The following KIF26B variants were observed in gnomAD, a reference collection of about 807,000 sequenced individuals.
The protein encoded by KIF26B is kinesin family member 26B, also known as kinesin-like protein KIF26B.
In KIF26B, 63 loss-of-function variants were observed where a neutral mutation model predicts 151.2. That is an observed-to-expected ratio of 0.42 (90% CI 0.34 to 0.51). KIF26B has a LOEUF of 0.51. Ranked by LOEUF, KIF26B falls within the 20% of genes least tolerant of loss-of-function variation. KIF26B has a pLI of 0.07. For missense variants in KIF26B, 2,813 were observed against 2,913.6 expected (o/e 0.97, Z 0.79); for synonymous variants, 1,357 against 1,262.1 (o/e 1.08, Z -1.59).
At chr1:245,577,513 A>G (rs2043131068) in intron 5 of KIF26B, among the ~76,000 whole-genome samples, 1 of 152,234 alleles carries the variant, frequency 6.6e-6, no homozygotes, top group South Asian at 2.1e-4. Context: ...ACAGCATGGA[A>G]GAGCTTTGTG....
At chr1:245,498,611 A>T (rs536117797) in intron 4 of KIF26B, among the ~76,000 whole-genome samples, 1 of 152,200 alleles carries the variant, frequency 6.6e-6, no homozygotes, top group Non-Finnish European at 1.5e-5. Flanking sequence ...TCCTGAAAAG[A>T]TAGTTCAAAT....
chr1:245,183,810 A>G (rs1668946851), intron 2 of KIF26B, among the ~76,000 whole-genome samples: 1 of 152,068 alleles, frequency 6.6e-6, no homozygotes, highest in African/African-American at 2.4e-5. Flanking sequence ...AACAAAGCAA[A>G]TTAAGCATCA....
rs192591262 is a variant in KIF26B at position 245,648,591 on chromosome 1, C to T, written c.2258+2311C>T. On this transcript the variant is annotated intron_variant, in intron 10 of 14. Coordinates refer to ENST00000407071, the MANE Select transcript of KIF26B (RefSeq NM_018012.4). ...CAGAGGCTGCAGTGAGTTGAGATTGCGCTACTGCACCAGCCTGGGCAACAG... is the reference window on the plus strand; with the variant it reads ...CAGAGGCTGCAGTGAGTTGAGATTGTGCTACTGCACCAGCCTGGGCAACAG... Among the ~76,000 whole-genome samples, 116 of 150,920 alleles carry T rather than the reference C, an allele frequency of 7.7e-4. 1 individual carries two copies. Among genetic ancestry groups the T allele is most frequent in the Non-Finnish European group, 1.4e-3 (95 of 67,876 alleles).
intron 2 of KIF26B, among the ~76,000 whole-genome samples, chr1:245,212,814 A>G (rs1292069452): frequency 3.9e-5 from 6 of 152,222 alleles, no homozygotes; most frequent in Non-Finnish European, 8.8e-5. Context: ...AGTCCCGTCC[A>G]CTTAAGGAGC....
In KIF26B at chr1:245,639,524, T is replaced by C. The variant is rs115021232; in HGVS notation, c.2099-6597T>C. On this transcript the variant is annotated intron_variant, in intron 9 of 14. Coordinates refer to ENST00000407071, the MANE Select transcript of KIF26B (RefSeq NM_018012.4). ...CCTACTAATTTTAGGTTTGGTTTGT[T>C]TTTCCTTTTCTAGTTCATTGAGGTG... is the stretch of plus-strand genomic sequence containing the variant. Among the ~76,000 whole-genome samples the C allele has an allele frequency of 3.3e-3, 503 of 152,044 alleles. 2 individuals are homozygous for C. Among genetic ancestry groups the C allele is most frequent in the African/African-American group, 0.011 (459 of 41,552 alleles).
At chr1:245,635,223 T>G (rs1332969995) in intron 9 of KIF26B, among the ~76,000 whole-genome samples, 1 of 152,002 alleles carries the variant, frequency 6.6e-6, no homozygotes, top group Non-Finnish European at 1.5e-5. Flanking sequence ...TATTTCTTCC[T>G]TAAATGGTGG....
intron 5 of KIF26B, among the ~76,000 whole-genome samples, chr1:245,590,177 G>A (rs777339201): frequency 4.4e-4 from 67 of 151,188 alleles, no homozygotes; most frequent in Non-Finnish European, 8.9e-4. Flanking sequence ...AGGGGAGGCC[G>A]AGGCGCCGGT....
At chr1:245,158,870 G>GGT (rs71563738) in intron 2 of KIF26B, among the ~76,000 whole-genome samples, 3,275 of 42,604 alleles carry the variant, frequency 0.077, 94 homozygotes, top group African/African-American at 0.19. Context: ...GTGTGTGTGT[G>GGT]GTGTGTGTTT....
intron 2 of KIF26B, among the ~76,000 whole-genome samples, chr1:245,325,354 G>C (rs1671969131): frequency 6.6e-6 from 1 of 152,256 alleles, no homozygotes; most frequent in South Asian, 2.1e-4. Context: ...GTTGACTTTA[G>C]CTTAAAACCA....
At chr1:245,491,539 G>A (rs1336770649) in intron 4 of KIF26B, among the ~76,000 whole-genome samples, 1 of 152,176 alleles carries the variant, frequency 6.6e-6, no homozygotes, top group African/African-American at 2.4e-5. Flanking sequence ...AGCCTGAGCG[G>A]GAAACACTGG....
intron 10 of KIF26B, among the ~76,000 whole-genome samples, chr1:245,673,563 G>T (rs1033714422): frequency 1.3e-5 from 2 of 152,170 alleles, no homozygotes; most frequent in Non-Finnish European, 2.9e-5. Context: ...GAATACACCT[G>T]CAGATTTTTC....
At chr1:245,325,181 T>TA (rs1671964369) in intron 2 of KIF26B, among the ~76,000 whole-genome samples, 4 of 152,096 alleles carry the variant, frequency 2.6e-5, no homozygotes, top group African/African-American at 7.2e-5. Context: ...AGAGTGGAGT[T>TA]AATCCTTTCC....
At chr1:245,288,518 A>G (rs948094800) in intron 2 of KIF26B, among the ~76,000 whole-genome samples, 1 of 152,244 alleles carries the variant, frequency 6.6e-6, no homozygotes, top group South Asian at 2.1e-4. Context: ...GAAGAAGGAC[A>G]TGGGAACATA....
intron 2 of KIF26B, among the ~76,000 whole-genome samples, chr1:245,283,332 G>A (rs534363910): frequency 7.9e-5 from 12 of 151,078 alleles, no homozygotes; most frequent in South Asian, 4.2e-4. Context: ...AGCCCAATCC[G>A]CCCAAGCCCC....
At chr1:245,159,112 C>A (rs889210438) in intron 2 of KIF26B, among the ~76,000 whole-genome samples, 1 of 152,064 alleles carries the variant, frequency 6.6e-6, no homozygotes, top group South Asian at 2.1e-4. Context: ...CACTGTGACT[C>A]CAACATGCAG....
chr1:245,324,465 C>A (rs915580347), intron 2 of KIF26B, among the ~76,000 whole-genome samples: 1 of 152,190 alleles, frequency 6.6e-6, no homozygotes, highest in South Asian at 2.1e-4. Flanking sequence ...CATGGAAATG[C>A]TCTGCCAGAG....
chr1:245,267,081 T>C (rs1189775370), intron 2 of KIF26B, among the ~76,000 whole-genome samples: 1 of 152,212 alleles, frequency 6.6e-6, no homozygotes, highest in African/African-American at 2.4e-5. Context: ...ATTTGCAGTG[T>C]CTCCCCTAAA....
intron 2 of KIF26B, among the ~76,000 whole-genome samples, chr1:245,172,315 T>A (rs77315823): frequency 0.021 from 3,127 of 152,250 alleles, 115 homozygotes; most frequent in African/African-American, 0.071. Flanking sequence ...GCATCTTTCT[T>A]TTCTTACAGG....
chr1:245,392,055 G>A (rs1673713611), intron 3 of KIF26B, among the ~76,000 whole-genome samples: 1 of 143,302 alleles, frequency 7.0e-6, no homozygotes, highest in East Asian at 2.1e-4. Context: ...AGAAAACAAA[G>A]CAAATTGAAA....
Sources: allele counts gnomAD v4.1 joint callset (sites outside exome capture counted in the v4.1 genomes callset), GRCh38; gene constraint gnomAD v4.1.1; transcripts MANE v1.5; gene names NCBI Gene and HGNC (gene_info 2026-07-23, HGNC 2026-07-21).